The following CEP192 variants were observed in gnomAD, a reference collection of about 807,000 sequenced individuals.
CEP192 encodes the protein centrosomal protein of 192 kDa.
In CEP192, 151 loss-of-function variants were observed where a neutral mutation model predicts 271.8. The ratio of observed to expected loss-of-function variants is 0.56; its 90% confidence interval spans 0.49 to 0.64. CEP192 has a LOEUF of 0.64. Ranked by LOEUF, CEP192 falls within the 30% of genes least tolerant of loss-of-function variation. The pLI is 0.00. For synonymous variants in CEP192, 995 were observed against 1,076.5 expected (o/e 0.92, Z 1.48); for missense variants, 2,910 against 3,020.5 (o/e 0.96, Z 0.86).
At chr18:13,087,501 T>G in intron 31 of CEP192, 30 bp from the exon 32 acceptor site, 1 of 1,146,370 alleles carries the variant, frequency 8.7e-7, no homozygotes, top group Non-Finnish European at 1.3e-6. Flanking sequence ...TATTTAATAT[T>G]TACTCCTGAT....
intron 30 of CEP192, among the ~76,000 whole-genome samples, chr18:13,083,810 G>T (rs1008072880): frequency 6.6e-6 from 1 of 152,166 alleles, no homozygotes; most frequent in Non-Finnish European, 1.5e-5. Flanking sequence ...TGGTGTGGAT[G>T]TCCTTTTTGT....
At chr18:13,096,061 A>G in intron 35 of CEP192, 123 bp from the exon 36 acceptor site, 1 of 953,294 alleles carries the variant, frequency 1.0e-6, no homozygotes, top group Non-Finnish European at 1.6e-6. Context: ...TCTGTAATTG[A>G]GCAGTTGAGA....
At chr18:13,017,758 T>A (rs979109141) in intron 7 of CEP192, among the ~76,000 whole-genome samples, 17 of 152,232 alleles carry the variant, frequency 1.1e-4, no homozygotes, top group Non-Finnish European at 2.5e-4. Context: ...AACTTTGATA[T>A]AATAATTTAA....
Position 13,003,451 on chromosome 18 carries a change from GAAAAAA to G in CEP192, c.290+1885_290+1890del, listed in dbSNP as rs545191456. ...GCAACAGAGTGAGACTCTGTCTCAA[GAAAAAA>G]AAAAAAAAAAAAAAAGAAGATATGA... On this transcript the variant is annotated intron_variant, in intron 3 of 44. Coordinates refer to ENST00000506447, the MANE Select transcript of CEP192 (RefSeq NM_032142.4). 6.2e-3 allele frequency among the ~76,000 whole-genome samples: 631 copies of G among 101,496 alleles called. 2 individuals carry two copies. Among genetic ancestry groups the G allele is most frequent in the Non-Finnish European group, 9.8e-3 (481 of 48,954 alleles). The allele number at this position is 101,496 out of a possible 152,430, so 66.6% of individuals were successfully genotyped here.
At position 13,111,194 on chromosome 18, in the gene CEP192, G is replaced by A. The variant is rs13381568; in HGVS notation, c.7048-2392G>A. ...GGCTGGAGTGCAGTGGTTCAATCTC[G>A]TCTCACTGCAACCTCTGCCTCCTGG... On this transcript the variant is annotated intron_variant, in intron 40 of 44. Coordinates refer to ENST00000506447, the MANE Select transcript of CEP192 (RefSeq NM_032142.4). Among the ~76,000 whole-genome samples, 1,236 of 152,202 alleles carry A rather than the reference G, an allele frequency of 8.1e-3. 24 individuals carry two copies. The highest frequency in any genetic ancestry group is 0.028 in the African/African-American group (1,166 of 41,498).
At chr18:13,019,002 T>C in intron 8 of CEP192, 80 bp from the exon 9 acceptor site, 1 of 1,332,646 alleles carries the variant, frequency 7.5e-7, no homozygotes, top group Middle Eastern at 2.2e-4. Context: ...ATAAAATAAT[T>C]TGACTGGCAA....
chr18:13,112,415 G>T (rs1168242198), intron 40 of CEP192, among the ~76,000 whole-genome samples: 1 of 152,196 alleles, frequency 6.6e-6, no homozygotes, highest in Non-Finnish European at 1.5e-5. Context: ...AAATGTCTAG[G>T]ACAGGCAGAT....
At chr18:13,019,400 A>G (rs868211851) in intron 9 of CEP192, among the ~76,000 whole-genome samples, 194 bp downstream of exon 9, 10 of 152,224 alleles carry the variant, frequency 6.6e-5, no homozygotes, top group Middle Eastern at 3.4e-3. Context: ...TTGCATTTAA[A>G]TATTTATTGA....
At chr18:13,101,403 C>T (rs774050689) in intron 38 of CEP192, among the ~76,000 whole-genome samples, 4 of 152,068 alleles carry the variant, frequency 2.6e-5, no homozygotes, top group Non-Finnish European at 4.4e-5. Context: ...TTTACTGGGA[C>T]GTGAGGAGCA....
rs369255558 is a variant in CEP192, at chr18:13,068,337, A to G, written c.4759-22A>G. On this transcript the variant is annotated intron_variant, in intron 23 of 44. Transcript: ENST00000506447. ...ATTAATACCAGTTTACATTAAGACA[A>G]ATTTTTCTTTTAATTTTATAGGATC... 12 of 1,608,262 alleles carry G rather than the reference A, an allele frequency of 7.5e-6. No homozygotes were observed. The African/African-American group carries it at 1.1e-4, about 14-fold the overall frequency.
At chr18:13,103,407 G>A (rs2039806232) in intron 38 of CEP192, 102 bp from the exon 39 acceptor site, 2 of 804,832 alleles carry the variant, frequency 2.5e-6, no homozygotes, top group Admixed American at 3.9e-5. Flanking sequence ...TCTAATGATT[G>A]GGGTTTTTTA....
chr18:13,062,463 A>G lies in CEP192; in HGVS notation c.4488+3151A>G, dbSNP rs78914679. ...GCTAGATATTGCCAATTTGCTCTCT[A>G]ACTTACATTCCTAGAAGAAATGTGT... On this transcript the variant is annotated intron_variant, in intron 21 of 44. Coordinates refer to ENST00000506447, the MANE Select transcript of CEP192 (RefSeq NM_032142.4). 8.3e-4 allele frequency among the ~76,000 whole-genome samples: 127 copies of G among 152,234 alleles called. 1 individual carries two copies. The highest frequency in any genetic ancestry group is 1.4e-3 in the Non-Finnish European group (98 of 68,006).
In CEP192 at chr18:13,069,660, A is replaced by G. The variant is rs547433606; in HGVS notation, c.5056-78A>G. 1.1e-5 allele frequency: 9 copies of G among 785,466 alleles called. No individual in the cohort carries two copies. In the South Asian group the frequency reaches 1.4e-4, roughly 12 times the overall value. 48.7% of individuals were successfully genotyped at this position (785,466 alleles called of 1,614,324 possible). On this transcript the variant is annotated intron_variant, in intron 26 of 44. Transcript: ENST00000506447. ...ACCTGTCCTGGTAAATGAGAAACGC[A>G]CGTAAGGCAGGAGCCACTGAGCGAA...
At chr18:13,003,579 A>T (rs11080619) in intron 3 of CEP192, among the ~76,000 whole-genome samples, 37,458 of 152,020 alleles carry the variant, frequency 0.25, 5,467 homozygotes, top group East Asian at 0.44. Context: ...AAGGCAGGAG[A>T]GTAGCCCATG....
Position 12,993,249 on chromosome 18 carries a change from G to A in CEP192, c.-5+1812G>A, listed in dbSNP as rs76778024. On this transcript the variant is annotated intron_variant, in intron 1 of 44. Coordinates refer to ENST00000506447, the MANE Select transcript of CEP192 (RefSeq NM_032142.4). The stretch of plus-strand genomic sequence containing the variant: ...GATTTGGGTGAAGACTAAAGATAAC[G>A]GCGGGAATGAATGGAGGAAAGGTAA... Among the ~76,000 whole-genome samples, 612 of 152,252 alleles carry A rather than the reference G, an allele frequency of 4.0e-3. 5 individuals are homozygous for A. The highest frequency in any genetic ancestry group is 0.013 in the African/African-American group (558 of 41,550).
intron 27 of CEP192, among the ~76,000 whole-genome samples, chr18:13,070,275 G>A (rs2037943002): frequency 6.6e-6 from 1 of 152,130 alleles, no homozygotes; most frequent in Admixed American, 6.5e-5. Flanking sequence ...CTAATACATG[G>A]TGTGACTCTG....
rs905122247 is a variant in CEP192 at position 13,057,661 on chromosome 18, T to C, written c.4185T>C (p.Ser1395=). 1.2e-6 allele frequency: 2 copies of C among 1,614,042 alleles called. No individual in the cohort carries two copies. Among genetic ancestry groups the C allele is most frequent in the African/African-American group, 2.7e-5 (2 of 74,904 alleles). ...GGATCGCTTCCCAGACCCTCCTCAG[T>C]GTGCTTAATCCAACTGACCGCTGGC... The part of the protein sequence containing the change: ...CVGIASQTLL[S]VLNPTDRWLQ... The change falls in exon 20 of 45, where the codon AGT becomes AGC. Residue 1395 remains serine, a synonymous_variant. Transcript: ENST00000506447.
intron 44 of CEP192, 100 bp from the exon 45 acceptor site, chr18:13,124,532 G>A (rs113635994): frequency 6.2e-6 from 7 of 1,134,830 alleles, no homozygotes; most frequent in East Asian, 2.4e-5. Flanking sequence ...TGGCTTGACC[G>A]AGCTCTTTCC....
At chr18:13,105,295 A>G (rs1690929990) in intron 40 of CEP192, among the ~76,000 whole-genome samples, 1 of 152,238 alleles carries the variant, frequency 6.6e-6, no homozygotes, top group South Asian at 2.1e-4. Flanking sequence ...ACTTAGCAGT[A>G]AAGACCACAG....
Sources: allele counts gnomAD v4.1 joint callset (sites outside exome capture counted in the v4.1 genomes callset), GRCh38; gene constraint gnomAD v4.1.1; transcripts MANE v1.5; gene names NCBI Gene and HGNC (gene_info 2026-07-23, HGNC 2026-07-21).